Variants in GRIK2 observed in about 807,000 individuals in gnomAD.
GRIK2 encodes the protein glutamate receptor ionotropic, kainate 2.
Under a neutral mutation model 100.3 loss-of-function variants are expected in GRIK2, and 32 were observed. That is an observed-to-expected ratio of 0.32 (90% CI 0.24 to 0.43). The LOEUF (loss-of-function observed/expected upper bound fraction) is 0.43. GRIK2 is among the 20% of genes least tolerant of loss of function. The pLI is 1.00. For synonymous variants in GRIK2, 417 were observed against 389.4 expected (o/e 1.07, Z -0.83); for missense variants, 843 against 1,114.9 (o/e 0.76, Z 3.47).
At chr6:101,747,001 A>G (rs76524395) in intron 7 of GRIK2, among the ~76,000 whole-genome samples, 5,783 of 152,058 alleles carry the variant, frequency 0.038, 205 homozygotes, top group East Asian at 0.12. Flanking sequence ...TATTATTTTT[A>G]TTTTCCCATA....
At chr6:101,482,497 G>A (rs564726332) in intron 2 of GRIK2, among the ~76,000 whole-genome samples, 4 of 152,142 alleles carry the variant, frequency 2.6e-5, no homozygotes, top group East Asian at 1.9e-4. Context: ...GACAAAAAGC[G>A]ACAAGCATTT....
At chr6:101,770,761 T>C (rs936519349) in intron 7 of GRIK2, among the ~76,000 whole-genome samples, 1 of 152,156 alleles carries the variant, frequency 6.6e-6, no homozygotes, top group Non-Finnish European at 1.5e-5. Flanking sequence ...TTCCTGAACC[T>C]GCATAGTCAC....
intron 14 of GRIK2, among the ~76,000 whole-genome samples, chr6:102,020,040 T>G (rs897390269): frequency 6.6e-6 from 1 of 151,972 alleles, no homozygotes; most frequent in Non-Finnish European, 1.5e-5. Flanking sequence ...GTTAAAAAAG[T>G]CCTCTTTAGG....
intron 14 of GRIK2, among the ~76,000 whole-genome samples, chr6:101,935,037 A>G (rs1443650559): frequency 2.0e-5 from 3 of 151,940 alleles, no homozygotes; most frequent in Admixed American, 6.6e-5. Flanking sequence ...TTTCTAGTTA[A>G]GTGTAGTTGT....
intron 4 of GRIK2, among the ~76,000 whole-genome samples, chr6:101,648,771 C>G (rs1781647435): frequency 6.6e-6 from 1 of 151,934 alleles, no homozygotes; most frequent in African/African-American, 2.4e-5. Flanking sequence ...ATGTATTAGT[C>G]TGTTCTCATA....
intron 7 of GRIK2, among the ~76,000 whole-genome samples, chr6:101,731,274 T>C (rs1052506367): frequency 3.9e-5 from 6 of 151,990 alleles, no homozygotes; most frequent in Non-Finnish European, 5.9e-5. Context: ...TCAGTTACTC[T>C]ATTGTTTTTA....
chr6:101,998,340 C>T (rs1794755906), intron 14 of GRIK2, among the ~76,000 whole-genome samples: 1 of 152,036 alleles, frequency 6.6e-6, no homozygotes, highest in Non-Finnish European at 1.5e-5. Flanking sequence ...TCAATTTGTG[C>T]TCCTTTTTGT....
At chr6:101,871,362 T>G (rs1276490802) in intron 11 of GRIK2, among the ~76,000 whole-genome samples, 1 of 151,900 alleles carries the variant, frequency 6.6e-6, no homozygotes, top group East Asian at 1.9e-4. Flanking sequence ...TTTAAAAGTA[T>G]TTCATGAAGT....
chr6:101,916,586 T>A (rs1789121074), intron 12 of GRIK2, among the ~76,000 whole-genome samples: 1 of 151,612 alleles, frequency 6.6e-6, no homozygotes, highest in Non-Finnish European at 1.5e-5. Context: ...AAATGCTGAC[T>A]GGAATGGATT....
chr6:101,770,095 C>A (rs2128396550), intron 7 of GRIK2, among the ~76,000 whole-genome samples: 1 of 152,212 alleles, frequency 6.6e-6, no homozygotes. Context: ...TCTGCCAGGG[C>A]TTTTTGTTTG....
At chr6:101,785,170 G>A (rs1393856856) in intron 7 of GRIK2, among the ~76,000 whole-genome samples, 1 of 151,270 alleles carries the variant, frequency 6.6e-6, no homozygotes, top group Non-Finnish European at 1.5e-5. Flanking sequence ...TTTTTTTACT[G>A]TTGAGTTGTT....
chr6:101,997,667 T>A (rs966727158), intron 14 of GRIK2, among the ~76,000 whole-genome samples: 1 of 152,106 alleles, frequency 6.6e-6, no homozygotes. Flanking sequence ...TCAAAGTATC[T>A]GTCTGTCTAT....
chr6:101,600,523 C>T (rs796580475), intron 2 of GRIK2, among the ~76,000 whole-genome samples: 21 of 152,064 alleles, frequency 1.4e-4, no homozygotes, highest in African/African-American at 5.1e-4. Context: ...TTGGTTCTTT[C>T]AATCCATGAG....
chr6:101,786,041 A>G (rs1779402144), intron 7 of GRIK2, among the ~76,000 whole-genome samples: 1 of 151,980 alleles, frequency 6.6e-6, no homozygotes, highest in African/African-American at 2.4e-5. Context: ...CTCCTTAGTT[A>G]AATTTATTCC....
chr6:102,012,737 G>C (rs371026607), intron 14 of GRIK2, among the ~76,000 whole-genome samples: 3 of 151,900 alleles, frequency 2.0e-5, no homozygotes, highest in African/African-American at 7.2e-5. Flanking sequence ...GTTCCAAGAG[G>C]GGGTTGTAGG....
rs3056161 is a variant in GRIK2, at chr6:101,592,588, C to CATATATATATATATATAT, written c.116-29342_116-29325dup. Among the ~76,000 whole-genome samples the CATATATATATATATATAT allele has an allele frequency of 7.1e-3, 724 of 101,720 alleles. 13 individuals are homozygous for CATATATATATATATATAT. The highest frequency in any genetic ancestry group is 8.2e-3 in the African/African-American group (210 of 25,740). The allele number at this position is 101,720 out of a possible 152,430, so 66.7% of individuals were successfully genotyped here. On this transcript the variant is annotated intron_variant, in intron 2 of 16. Transcript: ENST00000369134. ...TCATGGGATAGAATTACTAATATCA[C>CATATATATATATATATAT]ATATATATATATATATATATATATA...
chr6:101,793,586 A>G (rs1324634701), intron 7 of GRIK2, among the ~76,000 whole-genome samples: 1 of 152,070 alleles, frequency 6.6e-6, no homozygotes, highest in Non-Finnish European at 1.5e-5. Context: ...TCAGAGGAGT[A>G]TCTCGCCATG....
At chr6:101,822,618 A>G (rs905775223) in intron 10 of GRIK2, among the ~76,000 whole-genome samples, 4 of 152,218 alleles carry the variant, frequency 2.6e-5, no homozygotes, top group Non-Finnish European at 5.9e-5. Flanking sequence ...CATGTATTAC[A>G]TGCCTACTGT....
intron 7 of GRIK2, among the ~76,000 whole-genome samples, chr6:101,762,511 G>A (rs1007317987): frequency 7.2e-5 from 11 of 152,098 alleles, no homozygotes; most frequent in African/African-American, 2.4e-4. Flanking sequence ...GGGATTACAC[G>A]TGTGAGCCAC....
Sources: allele counts gnomAD v4.1 joint callset (sites outside exome capture counted in the v4.1 genomes callset), GRCh38; gene constraint gnomAD v4.1.1; transcripts MANE v1.5; gene names NCBI Gene and HGNC (gene_info 2026-07-23, HGNC 2026-07-21).